Variants in KIF21A observed in about 807,000 individuals in gnomAD.
The protein encoded by KIF21A is kinesin family member 21A, also known as kinesin-like protein KIF21A.
A neutral mutation model predicts 202.9 loss-of-function variants in KIF21A; 114 were observed. The ratio of observed to expected loss-of-function variants is 0.56; its 90% CI spans 0.48 to 0.66. KIF21A has a LOEUF of 0.66. Among genes scored for constraint, KIF21A ranks in the 30% least tolerant of loss-of-function variants. KIF21A has a pLI of 0.00. For missense variants in KIF21A, 1,677 were observed against 1,994.9 expected, an observed-to-expected ratio of 0.84 and a Z score of 3.04; for synonymous variants, 667 against 670.8, an observed-to-expected ratio of 0.99 and a Z score of 0.09.
chr12:39,334,200 C>CAAAAAAAAAAAAAAAAAA (rs576176350), intron 17 of KIF21A, among the ~76,000 whole-genome samples: 4 of 63,732 alleles, frequency 6.3e-5, no homozygotes, highest in African/African-American at 1.5e-4. Flanking sequence ...GACTCCATCT[C>CAAAAAAAAAAAAAAAAAA]AAAAAAAAAA....
Position 39,294,083 on chromosome 12 carries a change from C to A in KIF21A, c.*341G>T. The A allele has an allele frequency of 4.0e-6, 1 of 252,662 alleles. No individual in the cohort carries two copies. Among genetic ancestry groups the A allele is most frequent in the Non-Finnish European group, 7.7e-6 (1 of 129,288 alleles). 15.7% of individuals were successfully genotyped at this position (252,662 alleles called of 1,614,324 possible). On this transcript the variant is annotated 3_prime_UTR_variant, in exon 38 of 38. Coordinates refer to ENST00000361418, the MANE Select transcript of KIF21A (RefSeq NM_001173464.2). Reference sequence around the variant, plus strand: ...GTTAATGGTGGGCTGCATCGTATTCCAGGTGTGTTTTCTGACTGTCACAAA... The same window carrying A: ...GTTAATGGTGGGCTGCATCGTATTCAAGGTGTGTTTTCTGACTGTCACAAA...
In KIF21A at chr12:39,311,103, A is replaced by G. The variant is rs187952063; in HGVS notation, c.4096+314T>C. The stretch of plus-strand genomic sequence containing the variant: ...CTATGCATCTTATTCTCTTTCCCAT[A>G]TTGTATATTTAAATAGCCTTTTATA... On this transcript the variant is annotated intron_variant, in intron 32 of 37. Coordinates refer to ENST00000361418, the MANE Select transcript of KIF21A (RefSeq NM_001173464.2). Among the ~76,000 whole-genome samples, 6 of 152,036 alleles carry G rather than the reference A, an allele frequency of 3.9e-5. No individual in the cohort carries two copies. The East Asian group carries it at 1.2e-3, about 29-fold the overall frequency.
Position 39,375,861 on chromosome 12 carries a change from C to T in KIF21A, c.45-5600G>A, listed in dbSNP as rs542515207. ...CTTGATTTCCTTATCTATAAAATGT[C>T]TATTAAATATTATAATATTATTGCC... On this transcript the variant is annotated intron_variant, in intron 1 of 37. Coordinates refer to ENST00000361418, the MANE Select transcript of KIF21A (RefSeq NM_001173464.2). Among the ~76,000 whole-genome samples the T allele has an allele frequency of 8.5e-5, 13 of 152,148 alleles. 1 individual carries two copies. The East Asian group carries it at 2.3e-3, about 27-fold the overall frequency.
chr12:39,366,608 T>A, intron 5 of KIF21A, 91 bp from the exon 6 acceptor site: 1 of 906,154 alleles, frequency 1.1e-6, no homozygotes. Context: ...TGTACACATA[T>A]AGGCACAACC....
intron 11 of KIF21A, among the ~76,000 whole-genome samples, chr12:39,347,810 C>T (rs1032516909): frequency 1.3e-5 from 2 of 152,022 alleles, no homozygotes; most frequent in African/African-American, 4.8e-5. Flanking sequence ...CAAATCAGTG[C>T]AGTCTGATCG....
At chr12:39,421,513 T>C (rs575535899) in intron 1 of KIF21A, among the ~76,000 whole-genome samples, 322 of 151,958 alleles carry the variant, frequency 2.1e-3, no homozygotes, top group African/African-American at 7.5e-3. Flanking sequence ...GCCAACATGG[T>C]AAAACCCTTT....
chr12:39,443,005 C>T lies in KIF21A; in HGVS notation c.-35G>A. On this transcript the variant is annotated 5_prime_UTR_variant, in exon 1 of 38. Transcript: ENST00000361418. ...GGGCAGCGATCGAGCCGTTGGGCCT[C>T]GGCACCGCAGAGCTGAGGCGCCACT... The T allele has an allele frequency of 1.3e-6, 2 of 1,513,822 alleles. No individual in the cohort carries two copies. Among genetic ancestry groups the T allele is most frequent in the South Asian group, 2.4e-5 (2 of 81,734 alleles). 93.8% of individuals were successfully genotyped at this position (1,513,822 alleles called of 1,614,324 possible).
chr12:39,365,763 A>C lies in KIF21A; in HGVS notation c.903+587T>G, dbSNP rs188934382. 4.9e-3 allele frequency among the ~76,000 whole-genome samples: 741 copies of C among 152,342 alleles called. 5 individuals are homozygous for C. Among genetic ancestry groups the C allele is most frequent in the Non-Finnish European group, 6.7e-3 (456 of 68,024 alleles). ...AGTGGCTCGCGCCTGTAATCCCAGC[A>C]CTTTGGGAGGTTGAGGTGAGTGAAT... On this transcript the variant is annotated intron_variant, in intron 6 of 37. Transcript: ENST00000361418.
intron 1 of KIF21A, among the ~76,000 whole-genome samples, chr12:39,401,529 T>C (rs1952172830): frequency 6.6e-6 from 1 of 152,130 alleles, no homozygotes; most frequent in Non-Finnish European, 1.5e-5. Context: ...GTGTTCACAA[T>C]AAAATGTTAT....
intron 27 of KIF21A, among the ~76,000 whole-genome samples, chr12:39,320,770 A>G (rs908996114): frequency 2.0e-5 from 3 of 151,630 alleles, no homozygotes; most frequent in Non-Finnish European, 4.4e-5. Context: ...CTCTGTCTCT[A>G]TTAAAAATAC....
chr12:39,332,781 T>C, intron 19 of KIF21A, 37 bp from the exon 20 acceptor site: 2 of 1,611,132 alleles, frequency 1.2e-6, no homozygotes, highest in South Asian at 1.1e-5. Context: ...CAATTACTTA[T>C]GCACTTATTT....
At chr12:39,310,471 T>C (rs1011999398) in intron 32 of KIF21A, among the ~76,000 whole-genome samples, 2 of 152,088 alleles carry the variant, frequency 1.3e-5, no homozygotes, top group Non-Finnish European at 2.9e-5. Flanking sequence ...TATCCCTAAA[T>C]GCTAAAAACT....
chr12:39,300,014 A>C (rs1212997545), intron 37 of KIF21A, among the ~76,000 whole-genome samples: 1 of 152,150 alleles, frequency 6.6e-6, no homozygotes, highest in Admixed American at 6.6e-5. Flanking sequence ...TAGGCTTAGT[A>C]CATGGGTGAT....
Position 39,436,450 on chromosome 12 carries a change from T to TATATATATATATATATATA in KIF21A, c.44+6476_44+6477insTATATATATATATATATAT, listed in dbSNP as rs1424166622. Among the ~76,000 whole-genome samples, 187 of 60,622 alleles carry TATATATATATATATATATA rather than the reference T, an allele frequency of 3.1e-3. 1 individual carries two copies. Among genetic ancestry groups the TATATATATATATATATATA allele is most frequent in the South Asian group, 0.011 (21 of 1,854 alleles). 39.8% of individuals were successfully genotyped at this position (60,622 alleles called of 152,430 possible). ...TATATATATATATATATATATATAT[T>TATATATATATATATATATA]TTTTTTTTTTTTAGACAGGGTTTCA... is the stretch of plus-strand genomic sequence containing the variant. On this transcript the variant is annotated intron_variant, in intron 1 of 37. Transcript: ENST00000361418.
intron 1 of KIF21A, among the ~76,000 whole-genome samples, chr12:39,427,027 G>C (rs766523297): frequency 1.7e-4 from 26 of 152,082 alleles, no homozygotes; most frequent in Admixed American, 6.6e-5. Flanking sequence ...ATGTTTCATG[G>C]GAGAGCCATC....
intron 17 of KIF21A, among the ~76,000 whole-genome samples, chr12:39,335,943 T>C (rs1311414583): frequency 2.0e-5 from 3 of 152,214 alleles, no homozygotes; most frequent in African/African-American, 7.2e-5. Context: ...CTATCCCCTT[T>C]CCTCTTTACA....
intron 31 of KIF21A, chr12:39,312,342 T>G (rs1944112742): frequency 6.6e-6 from 1 of 151,860 alleles, no homozygotes. Flanking sequence ...CTCATGGACA[T>G]AGAGAGTAGA....
intron 1 of KIF21A, among the ~76,000 whole-genome samples, chr12:39,407,347 T>G (rs1277342624): frequency 6.6e-6 from 1 of 152,178 alleles, no homozygotes; most frequent in East Asian, 1.9e-4. Flanking sequence ...TTCTCTAATA[T>G]CCTTTTTGAC....
intron 12 of KIF21A, among the ~76,000 whole-genome samples, chr12:39,344,171 T>C (rs952988064): frequency 1.3e-5 from 2 of 152,174 alleles, no homozygotes; most frequent in Non-Finnish European, 2.9e-5. Context: ...GAAATAATTT[T>C]ATGTGATATA....
Sources: gnomAD v4.1 joint callset for allele counts (sites outside exome capture counted in the v4.1 genomes callset) on GRCh38, gnomAD v4.1.1 for gene constraint, MANE v1.5 for transcripts, NCBI Gene and HGNC (gene_info 2026-07-23, HGNC 2026-07-21) for gene names.